The following ADAMTSL1 variants were observed in gnomAD, a reference collection of about 807,000 sequenced individuals.
ADAMTSL1 encodes ADAMTS-like protein 1.
In ADAMTSL1, 126 loss-of-function variants were observed where a neutral mutation model predicts 201.8. The ratio of observed to expected loss-of-function variants is 0.62; its 90% CI spans 0.54 to 0.72. ADAMTSL1 has a LOEUF of 0.72. Ranked by LOEUF, ADAMTSL1 falls within the 30% of genes least tolerant of loss-of-function variation. ADAMTSL1 has a pLI of 0.00. For synonymous variants in ADAMTSL1, 1,121 were observed against 903.4 expected (o/e 1.24, Z -4.32); for missense variants, 2,679 against 2,277.8 (o/e 1.18, Z -3.59).
intron 6 of ADAMTSL1, among the ~76,000 whole-genome samples, chr9:18,636,319 C>A (rs1031947398): frequency 1.3e-5 from 2 of 152,098 alleles, no homozygotes; most frequent in African/African-American, 4.8e-5. Flanking sequence ...TTTCTTCTTC[C>A]TTTCCAATCT....
intron 4 of ADAMTSL1, among the ~76,000 whole-genome samples, chr9:18,611,693 A>G (rs11789831): frequency 0.11 from 16,369 of 152,174 alleles, 941 homozygotes; most frequent in African/African-American, 0.14. Flanking sequence ...TAGATTCTTG[A>G]CTTCAAGAAA....
chr9:18,590,718 C>T (rs1000125557), intron 4 of ADAMTSL1, among the ~76,000 whole-genome samples: 3 of 151,876 alleles, frequency 2.0e-5, no homozygotes, highest in East Asian at 1.9e-4. Flanking sequence ...ATTGTACTTC[C>T]GTTTTCATGT....
rs199781715 is a variant in ADAMTSL1 at position 18,889,715 on chromosome 9, C to G, written c.4610C>G (p.Pro1537Arg). 11 of 1,541,496 alleles carry G rather than the reference C, an allele frequency of 7.1e-6. No individual in the cohort carries two copies. Among genetic ancestry groups the G allele is most frequent in the Non-Finnish European group, 5.2e-6 (6 of 1,142,976 alleles). The change falls in exon 25 of 29, where the codon CCC (proline) becomes CGC (arginine). Residue 1537 changes from proline (P) to arginine (R), a missense_variant. By Grantham distance (103) the Pro-to-Arg change is moderately radical (BLOSUM62 -2). Transcript: ENST00000380548. Reference protein sequence around the residue: ...CAGKVRPAVQPIACNRRDCPS... With the variant: ...CAGKVRPAVQRIACNRRDCPS... ...GGGAAGGTTCGCCCTGCGGTGCAGCCCATCGCGTGCAACCGGAGAGACTGC... is the reference window on the plus strand; with the variant it reads ...GGGAAGGTTCGCCCTGCGGTGCAGCGCATCGCGTGCAACCGGAGAGACTGC...
chr9:18,193,831 C>T (rs958954915), intron 2 of ADAMTSL1, among the ~76,000 whole-genome samples: 1 of 152,100 alleles, frequency 6.6e-6, no homozygotes, highest in Admixed American at 6.6e-5. Flanking sequence ...TCTTTATCCT[C>T]CCAGTCCCTT....
intron 2 of ADAMTSL1, among the ~76,000 whole-genome samples, chr9:18,199,931 T>C (rs1829364477): frequency 6.6e-6 from 1 of 152,112 alleles, no homozygotes; most frequent in Non-Finnish European, 1.5e-5. Flanking sequence ...AGTGTGGTCA[T>C]TAGTCTTATA....
chr9:18,579,450 C>G (rs1033059089), intron 4 of ADAMTSL1, among the ~76,000 whole-genome samples: 6 of 150,632 alleles, frequency 4.0e-5, no homozygotes, highest in Non-Finnish European at 8.9e-5. Flanking sequence ...ACATATGTAA[C>G]TAACCTGCAC....
At chr9:18,035,008 C>G (rs1821130850) in intron 1 of ADAMTSL1, among the ~76,000 whole-genome samples, 1 of 152,114 alleles carries the variant, frequency 6.6e-6, no homozygotes, top group Non-Finnish European at 1.5e-5. Context: ...TTATGATTGT[C>G]TCAGGTTTGA....
chr9:18,480,647 G>A (rs1016308110), intron 1 of ADAMTSL1, among the ~76,000 whole-genome samples: 1 of 152,138 alleles, frequency 6.6e-6, no homozygotes, highest in Non-Finnish European at 1.5e-5. Context: ...AAATTTAGAT[G>A]CTATACATGC....
At chr9:18,356,986 A>G (rs1836277303) in intron 2 of ADAMTSL1, among the ~76,000 whole-genome samples, 1 of 152,164 alleles carries the variant, frequency 6.6e-6, no homozygotes, top group Non-Finnish European at 1.5e-5. Flanking sequence ...TAATGTGTAC[A>G]TGGAATCCTT....
chr9:18,315,258 A>T (rs193290130), intron 2 of ADAMTSL1, among the ~76,000 whole-genome samples: 1 of 152,154 alleles, frequency 6.6e-6, no homozygotes, highest in Non-Finnish European at 1.5e-5. Flanking sequence ...ACAATCCTCC[A>T]GGTAGACATA....
chr9:18,651,900 G>T (rs1163281384), intron 7 of ADAMTSL1, among the ~76,000 whole-genome samples: 2 of 146,174 alleles, frequency 1.4e-5, no homozygotes, highest in Non-Finnish European at 3.1e-5. Context: ...AATTTATTAA[G>T]TTTATAAAAT....
chr9:17,956,431 G>GT (rs1236503175), intron 1 of ADAMTSL1, among the ~76,000 whole-genome samples: 2 of 152,188 alleles, frequency 1.3e-5, no homozygotes, highest in Non-Finnish European at 2.9e-5. Context: ...CTTTTGACAT[G>GT]TAACGATTAG....
intron 16 of ADAMTSL1, among the ~76,000 whole-genome samples, chr9:18,765,653 T>G (rs1166643143): frequency 6.6e-6 from 1 of 152,152 alleles, no homozygotes; most frequent in Admixed American, 6.5e-5. Context: ...GAAAGAAAAC[T>G]AGAGGTGGAT....
intron 2 of ADAMTSL1, among the ~76,000 whole-genome samples, chr9:18,234,193 C>T (rs915117807): frequency 6.6e-6 from 1 of 152,152 alleles, no homozygotes. Flanking sequence ...AGCTGGGTGC[C>T]TCGGAGGACT....
intron 23 of ADAMTSL1, among the ~76,000 whole-genome samples, chr9:18,882,045 C>T (rs982014991): frequency 6.6e-6 from 1 of 152,142 alleles, no homozygotes; most frequent in Non-Finnish European, 1.5e-5. Flanking sequence ...AAATATTCCT[C>T]TTATTTAGTA....
chr9:17,963,150 C>T (rs1045588995), intron 1 of ADAMTSL1, among the ~76,000 whole-genome samples: 6 of 152,132 alleles, frequency 3.9e-5, no homozygotes, highest in Admixed American at 3.3e-4. Flanking sequence ...TATCTAGCTC[C>T]CTTTCTGAGG....
chr9:17,988,958 A>G (rs933246364), intron 1 of ADAMTSL1, among the ~76,000 whole-genome samples: 2 of 151,928 alleles, frequency 1.3e-5, no homozygotes, highest in Non-Finnish European at 2.9e-5. Flanking sequence ...ATGACATTAA[A>G]TACTAAGAAC....
intron 2 of ADAMTSL1, among the ~76,000 whole-genome samples, chr9:18,319,905 TC>T (rs1300890250): frequency 6.6e-6 from 1 of 152,146 alleles, no homozygotes; most frequent in Non-Finnish European, 1.5e-5. Flanking sequence ...CCTGGTGGGC[TC>T]GGCTGGAGTC....
intron 2 of ADAMTSL1, among the ~76,000 whole-genome samples, chr9:18,324,546 C>T (rs551911595): frequency 1.7e-4 from 26 of 151,932 alleles, no homozygotes; most frequent in Non-Finnish European, 3.4e-4. Flanking sequence ...AGGCAGATCA[C>T]CTGAGGTTGG....
Sources: allele counts gnomAD v4.1 joint callset (sites outside exome capture counted in the v4.1 genomes callset), GRCh38; gene constraint gnomAD v4.1.1; transcripts MANE v1.5; gene names NCBI Gene and HGNC (gene_info 2026-07-23, HGNC 2026-07-21).